CALCRL: variants seen among roughly 807,000 people sequenced by gnomAD.
The protein encoded by CALCRL is calcitonin receptor like receptor.
A neutral mutation model predicts 60.4 loss-of-function variants in CALCRL; 27 were observed. The observed-to-expected ratio is 0.45, with a 90% CI of 0.33 to 0.62. The LOEUF is 0.62. Among genes scored for constraint, CALCRL ranks in the 20% least tolerant of loss-of-function variants. CALCRL has a pLI of 0.03. For missense variants in CALCRL, 424 were observed against 540.7 expected, an observed-to-expected ratio of 0.78 and a Z score of 2.14; for synonymous variants, 190 against 182.6, an observed-to-expected ratio of 1.04 and a Z score of -0.33.
chr2:187,409,262 T>C (rs1419098674), intron 1 of CALCRL, among the ~76,000 whole-genome samples: 1 of 152,122 alleles, frequency 6.6e-6, no homozygotes, highest in Non-Finnish European at 1.5e-5. Flanking sequence ...GGAATAACCT[T>C]AGTAGGGTGT....
intron 1 of CALCRL, among the ~76,000 whole-genome samples, chr2:187,392,156 A>G (rs555054621): frequency 6.6e-6 from 1 of 152,236 alleles, no homozygotes; most frequent in East Asian, 1.9e-4. Context: ...ATGTTTCTTT[A>G]TAATAATTCT....
At chr2:187,404,658 T>G (rs1015303425) in intron 1 of CALCRL, among the ~76,000 whole-genome samples, 1 of 151,444 alleles carries the variant, frequency 6.6e-6, no homozygotes, top group Non-Finnish European at 1.5e-5. Flanking sequence ...AGGAGTTTCC[T>G]TACTAAATTC....
chr2:187,405,962 T>G (rs1257740391), intron 1 of CALCRL, among the ~76,000 whole-genome samples: 8 of 3,338 alleles, frequency 2.4e-3, no homozygotes, highest in Admixed American at 6.6e-3. Flanking sequence ...TATGTAGGGG[T>G]GTGTGTGTGT....
At chr2:187,358,504 CTTAT>C (rs747949938) in intron 12 of CALCRL, among the ~76,000 whole-genome samples, 35 of 151,212 alleles carry the variant, frequency 2.3e-4, no homozygotes, top group Non-Finnish European at 4.7e-4. Context: ...TTTGTTTTTT[CTTAT>C]TTGTCACCTC....
chr2:187,380,856 A>G (rs1306018477), intron 5 of CALCRL, 69 bp from the exon 6 acceptor site: 1 of 1,270,974 alleles, frequency 7.9e-7, no homozygotes, highest in Non-Finnish European at 1.1e-6. Context: ...TAGTTTTAAA[A>G]GTGGTTTCAC....
At position 187,380,731 on chromosome 2, in the gene CALCRL, C is replaced by T; in HGVS notation, c.241G>A (p.Gly81Arg). Residue 81 changes from glycine to arginine, a missense_variant, in exon 6 of 15, where the codon GGA (glycine) becomes AGA (arginine). Transcript: ENST00000392370. Reference sequence around the variant, plus strand: ...GGGCAGAGCTGCATTGATTCAGTTCCTGCTGCAACATCGTTCCAGCAGAGC... The same window carrying T: ...GGGCAGAGCTGCATTGATTCAGTTCTTGCTGCAACATCGTTCCAGCAGAGC... ...GWLCWNDVAAGTESMQLCPDY... is the reference protein window; with the variant it reads ...GWLCWNDVAARTESMQLCPDY... 6.2e-7 allele frequency: 1 copy of T among 1,614,066 alleles called. No homozygotes were observed. Among genetic ancestry groups the T allele is most frequent in the Non-Finnish European group, 8.5e-7 (1 of 1,179,986 alleles).
intron 12 of CALCRL, among the ~76,000 whole-genome samples, chr2:187,353,079 C>T (rs1382542937): frequency 6.6e-6 from 1 of 151,942 alleles, no homozygotes; most frequent in Non-Finnish European, 1.5e-5. Context: ...TAATGTGACT[C>T]AGCAAACAGG....
intron 4 of CALCRL, 63 bp downstream of exon 4, chr2:187,385,482 T>G: frequency 1.2e-6 from 1 of 818,548 alleles, no homozygotes; most frequent in Non-Finnish European, 2.0e-6. Flanking sequence ...ATTAATATTC[T>G]TTATCAATTA....
chr2:187,378,093 AAGG>A (rs1010794300), intron 8 of CALCRL, among the ~76,000 whole-genome samples: 4 of 150,712 alleles, frequency 2.7e-5, no homozygotes, highest in Non-Finnish European at 5.9e-5. Flanking sequence ...CAAGAAAGAG[AAGG>A]AGGAGGAGGA....
chr2:187,352,330 C>A lies in CALCRL; in HGVS notation c.912G>T (p.Val304=). The A allele has an allele frequency of 6.3e-7, 1 of 1,587,096 alleles. No individual in the cohort carries two copies. The highest frequency in any genetic ancestry group is 1.1e-5 in the South Asian group (1 of 89,606). Residue 304 remains valine, a splice_region_variant and synonymous_variant, in exon 13 of 15, where the codon GTG becomes GTT. Coordinates refer to ENST00000392370, the MANE Select transcript of CALCRL (RefSeq NM_005795.6). ...CAATATTTAACAAGAAAAAAAGATT[C>A]ACCTAAAAACGAAATTAAATGGCAT... The part of the protein sequence containing the change: ...IHGPICAALL[V]NLFFLLNIVR...
At position 187,352,274 on chromosome 2, in the gene CALCRL, G is replaced by T. The variant is rs1686566999; in HGVS notation, c.968C>A (p.Thr323Lys). The change falls in exon 13 of 15, where the codon ACA becomes AAA. Residue 323 changes from threonine to lysine, a missense_variant. By Grantham distance (78) the Thr-to-Lys change is moderately conservative. Around this residue, in one of 7 missense-constraint regions of CALCRL, gnomAD observed 222 missense variants for 265.6 expected, o/e 0.84. Transcript: ENST00000392370. ...VRVLITKLKVTHQAESNLYMK... is the reference protein window; with the variant it reads ...VRVLITKLKVKHQAESNLYMK... The stretch of plus-strand genomic sequence containing the variant: ...GTACAGATTGGATTCCGCTTGGTGT[G>T]TAACTTTTAACTTGGTGATGAGAAC... The T allele has an allele frequency of 6.2e-7, 1 of 1,611,932 alleles. No individual in the cohort carries two copies. Among genetic ancestry groups the T allele is most frequent in the African/African-American group, 1.3e-5 (1 of 74,718 alleles).
chr2:187,345,985 T>C lies in CALCRL; in HGVS notation c.*199A>G. The C allele has an allele frequency of 2.1e-6, 1 of 470,162 alleles. No homozygotes were observed. Among genetic ancestry groups the C allele is most frequent in the Non-Finnish European group, 3.8e-6 (1 of 265,364 alleles). 29.1% of individuals were successfully genotyped at this position (470,162 alleles called of 1,614,324 possible). ...TAGTGGGAGTATTTACTGACAAACA[T>C]TACAAACCAGGATTTCTTTTTTCCC... On this transcript the variant is annotated 3_prime_UTR_variant, in exon 15 of 15. Coordinates refer to ENST00000392370, the MANE Select transcript of CALCRL (RefSeq NM_005795.6).
chr2:187,388,641 A>G (rs1450683931), intron 1 of CALCRL, among the ~76,000 whole-genome samples: 1 of 152,120 alleles, frequency 6.6e-6, no homozygotes, highest in African/African-American at 2.4e-5. Context: ...ATGCCAACCT[A>G]TTCAGCTTTA....
At chr2:187,381,415 C>T (rs962845293) in intron 5 of CALCRL, among the ~76,000 whole-genome samples, 5 of 151,772 alleles carry the variant, frequency 3.3e-5, no homozygotes, top group South Asian at 2.1e-4. Context: ...GTAAATTAAC[C>T]GACCAATGTT....
intron 1 of CALCRL, among the ~76,000 whole-genome samples, chr2:187,393,638 G>T (rs1316128236): frequency 6.6e-6 from 1 of 152,030 alleles, no homozygotes; most frequent in African/African-American, 2.4e-5. Context: ...CACATAAAGA[G>T]GGTATACAGA....
chr2:187,432,917 C>T (rs910384447), intron 1 of CALCRL, among the ~76,000 whole-genome samples: 4 of 152,126 alleles, frequency 2.6e-5, no homozygotes, highest in African/African-American at 9.6e-5. Flanking sequence ...TACAGTGATA[C>T]AGATTCGCAT....
rs1233361343 is a variant in CALCRL, at chr2:187,385,777, G to T, written c.-36-146C>A. 8 of 580,430 alleles carry T rather than the reference G, an allele frequency of 1.4e-5. No homozygotes were observed. In the Admixed American group the frequency reaches 2.7e-4, roughly 20 times the overall value. 36.0% of individuals were successfully genotyped at this position (580,430 alleles called of 1,614,324 possible). A position where few individuals can be genotyped will look rare whatever the true frequency, so the allele number is the denominator to read the frequency against. On this transcript the variant is annotated intron_variant, in intron 3 of 14. Coordinates refer to ENST00000392370, the MANE Select transcript of CALCRL (RefSeq NM_005795.6). Reference sequence around the variant, plus strand: ...TGATAAATCATTTTTTTTAAGACAAGGTCTCACTCTGTCACCAAGGCCTAG... The same window carrying T: ...TGATAAATCATTTTTTTTAAGACAATGTCTCACTCTGTCACCAAGGCCTAG...
At chr2:187,385,297 T>G (rs946534776) in intron 4 of CALCRL, among the ~76,000 whole-genome samples, 2 of 152,144 alleles carry the variant, frequency 1.3e-5, no homozygotes, top group Admixed American at 1.3e-4. Context: ...AATCTCTGAT[T>G]ACTTTCCTCT....
At chr2:187,428,642 C>A (rs1028660821) in intron 1 of CALCRL, 1 of 152,146 alleles carries the variant, frequency 6.6e-6, no homozygotes, top group Non-Finnish European at 1.5e-5. Context: ...GCCTGTAATC[C>A]CAGCATTTTG....
Sources: gnomAD v4.1 joint callset for allele counts (sites outside exome capture counted in the v4.1 genomes callset) on GRCh38, gnomAD v4.1.1 for gene constraint, gnomAD v4.1.1 regional missense constraint, MANE v1.5 for transcripts, NCBI Gene and HGNC (gene_info 2026-07-23, HGNC 2026-07-21) for gene names.